Variants in EPHB2 observed in about 807,000 individuals in gnomAD.
The protein encoded by EPHB2 is EPH receptor B2.
Under a neutral mutation model 96.4 loss-of-function variants are expected in EPHB2, and 18 were observed. That is an observed-to-expected ratio of 0.19 (90% CI 0.13 to 0.28). EPHB2 has a LOEUF of 0.28. Among genes scored for constraint, EPHB2 ranks in the 10% least tolerant of loss-of-function variants. The pLI, the probability that EPHB2 is intolerant of heterozygous loss-of-function variation, is 1.00. For synonymous variants in EPHB2, 506 were observed against 534.1 expected (o/e 0.95, Z 0.72); for missense variants, 989 against 1,355.4 (o/e 0.73, Z 4.25).
intron 1 of EPHB2, among the ~76,000 whole-genome samples, chr1:22,769,107 G>C (rs535220379): frequency 5.9e-5 from 9 of 152,282 alleles, no homozygotes; most frequent in Non-Finnish European, 1.0e-4. Flanking sequence ...CCCTCTTTGG[G>C]GTGGGATGGG....
At chr1:22,826,883 G>A (rs768796992) in intron 3 of EPHB2, among the ~76,000 whole-genome samples, 3 of 152,216 alleles carry the variant, frequency 2.0e-5, no homozygotes, top group Non-Finnish European at 4.4e-5. Context: ...CTGTGTCCCC[G>A]TGGCCTGACA....
rs1640169662 is a variant in EPHB2 at position 22,913,313 on chromosome 1, G to C, written c.2853-149G>C. The C allele has an allele frequency of 1.0e-6, 1 of 997,194 alleles. No homozygotes were observed. The highest frequency in any genetic ancestry group is 1.6e-5 in the African/African-American group (1 of 62,576). The allele number at this position is 997,194 out of a possible 1,614,324, so 61.8% of individuals were successfully genotyped here. On this transcript the variant is annotated intron_variant, in intron 15 of 15. Coordinates refer to ENST00000374630, the MANE Select transcript of EPHB2 (RefSeq NM_017449.5). This position sits in a 1 kb window ranked among gnomAD's most constrained non-coding sequence, Gnocchi z 4.1. ...CCTCACACCATAGTCGCTCCCTCCA[G>C]CTGTGGCTGCCTGCCCACTCCCCAC...
At chr1:22,866,431 G>C (rs1276958829) in intron 5 of EPHB2, among the ~76,000 whole-genome samples, 1 of 152,064 alleles carries the variant, frequency 6.6e-6, no homozygotes, top group Non-Finnish European at 1.5e-5. Flanking sequence ...TGAAGGACCA[G>C]TCGAAATTTT....
chr1:22,741,679 C>CAAAAAAAAAAAAAAA lies in EPHB2; in HGVS notation c.61+30645_61+30646insAAAAAAAAAAAAAAA, dbSNP rs747438721. ...CTTGACAGCCTGGTTTTCTTCCCAGCAAAAAAAAACAAAAAAACAAAAAAC... is the reference window on the plus strand; with the variant it reads ...CTTGACAGCCTGGTTTTCTTCCCAGCAAAAAAAAAAAAAAAAAAAAAAAACAAAAAAACAAAAAAC... On this transcript the variant is annotated intron_variant, in intron 1 of 15. Coordinates refer to ENST00000374630, the MANE Select transcript of EPHB2 (RefSeq NM_017449.5). Among the ~76,000 whole-genome samples the CAAAAAAAAAAAAAAA allele has an allele frequency of 1.6e-3, 119 of 73,700 alleles. 7 individuals are homozygous for CAAAAAAAAAAAAAAA. The highest frequency in any genetic ancestry group is 2.3e-3 in the East Asian group (7 of 3,030). The allele number at this position is 73,700 out of a possible 152,430, so 48.4% of individuals were successfully genotyped here. A position where few individuals can be genotyped will look rare whatever the true frequency, so the allele number is the denominator to read the frequency against.
At chr1:22,800,692 G>T (rs1644829254) in intron 3 of EPHB2, among the ~76,000 whole-genome samples, 1 of 128,824 alleles carries the variant, frequency 7.8e-6, no homozygotes, top group Non-Finnish European at 1.8e-5. Flanking sequence ...AGCCCTATCT[G>T]TGTGAGTATA....
intron 3 of EPHB2, among the ~76,000 whole-genome samples, chr1:22,855,477 C>T (rs910494124): frequency 2.6e-5 from 4 of 152,196 alleles, no homozygotes; most frequent in Non-Finnish European, 5.9e-5. Flanking sequence ...TCTTATGTTC[C>T]AGGGCTGAGG....
intron 3 of EPHB2, among the ~76,000 whole-genome samples, chr1:22,828,120 T>TG (rs921897107): frequency 1.3e-5 from 2 of 152,202 alleles, no homozygotes; most frequent in Admixed American, 6.5e-5. Context: ...GGGCCACTGA[T>TG]GGGCTATAGC....
intron 6 of EPHB2, chr1:22,882,698 C>T (rs564693963): frequency 4.2e-5 from 24 of 575,934 alleles, no homozygotes; most frequent in Middle Eastern, 5.2e-4. Flanking sequence ...CTGGATCTCA[C>T]TTTTCTGGTC....
chr1:22,717,040 C>T (rs1298304376), intron 1 of EPHB2, among the ~76,000 whole-genome samples: 2 of 152,204 alleles, frequency 1.3e-5, no homozygotes. Context: ...AATTTGCCCC[C>T]CAGCGGCCTA....
intron 1 of EPHB2, among the ~76,000 whole-genome samples, chr1:22,772,045 C>G (rs1170269804): frequency 6.6e-6 from 1 of 152,120 alleles, no homozygotes; most frequent in Non-Finnish European, 1.5e-5. Flanking sequence ...CCAGCAAGCC[C>G]TGGTGTTCAT....
intron 1 of EPHB2, among the ~76,000 whole-genome samples, chr1:22,735,907 G>A (rs561803519): frequency 4.7e-4 from 71 of 152,298 alleles, no homozygotes; most frequent in African/African-American, 1.6e-3. Flanking sequence ...CCTCAGGACC[G>A]GAGCAGCCTA....
intron 3 of EPHB2, among the ~76,000 whole-genome samples, chr1:22,796,500 A>G (rs1031533227): frequency 2.0e-5 from 3 of 152,176 alleles, no homozygotes; most frequent in African/African-American, 7.2e-5. Context: ...GAGGGCTGTG[A>G]GTGCACGGCC....
rs1178508349 is a variant in EPHB2, at chr1:22,825,886, G to T, written c.812-37151G>T. On this transcript the variant is annotated intron_variant, in intron 3 of 15. Transcript: ENST00000374630. ...TAGACAAATGAGGATCGTCTGGGGG[G>T]ATGCTGGCTGGTGTCTGAGGTGGGG... Among the ~76,000 whole-genome samples the T allele has an allele frequency of 3.9e-5, 6 of 152,226 alleles. No individual in the cohort carries two copies. In the East Asian group the frequency reaches 1.2e-3, roughly 29 times the overall value.
chr1:22,770,546 T>A (rs1468319481), intron 1 of EPHB2, among the ~76,000 whole-genome samples: 1 of 152,154 alleles, frequency 6.6e-6, no homozygotes, highest in Admixed American at 6.5e-5. Flanking sequence ...TACACTCCAT[T>A]CACATGCAGA....
chr1:22,824,475 T>C (rs1645195483), intron 3 of EPHB2, among the ~76,000 whole-genome samples: 1 of 152,166 alleles, frequency 6.6e-6, no homozygotes, highest in Non-Finnish European at 1.5e-5. Flanking sequence ...TTCCTTTCCA[T>C]GGGTCCAGGG....
chr1:22,840,103 G>T (rs1225163208), intron 3 of EPHB2, among the ~76,000 whole-genome samples: 2 of 152,110 alleles, frequency 1.3e-5, no homozygotes, highest in Non-Finnish European at 2.9e-5. Flanking sequence ...ATGGATGGAT[G>T]GATGGACAGA....
chr1:22,920,987 A>G lies in EPHB2; in HGVS notation c.*7417A>G, dbSNP rs1440237402. Reference sequence around the variant, plus strand: ...CCAGTAAGTGGCCTCTGACCCCAGTACCCCCCACTTAATCACCATGCTATG... The same window carrying G: ...CCAGTAAGTGGCCTCTGACCCCAGTGCCCCCCACTTAATCACCATGCTATG... On this transcript the variant is annotated 3_prime_UTR_variant, in exon 16 of 16. Transcript: ENST00000374630. The G allele has an allele frequency of 1.3e-5, 2 of 151,874 alleles. No individual in the cohort carries two copies. The highest frequency in any genetic ancestry group is 2.9e-5 in the Non-Finnish European group (2 of 67,980). 9.4% of individuals were successfully genotyped at this position (151,874 alleles called of 1,614,324 possible).
intron 3 of EPHB2, among the ~76,000 whole-genome samples, chr1:22,850,832 T>A (rs1645615553): frequency 6.6e-6 from 1 of 152,128 alleles, no homozygotes. Context: ...AAACGGCGCA[T>A]GCACAGGCCC....
In EPHB2 at chr1:22,905,982, C is replaced by T. The variant is rs529304381; in HGVS notation, c.1766-5C>T. 5.0e-6 allele frequency: 8 copies of T among 1,614,068 alleles called. No individual in the cohort carries two copies. In the South Asian group the frequency reaches 6.6e-5, roughly 13 times the overall value. On this transcript the variant is annotated splice_region_variant and splice_polypyrimidine_tract_variant and intron_variant, in intron 9 of 15. Transcript: ENST00000374630. Reference sequence around the variant, plus strand: ...CATATGACAGAGCCTGGTCTTGTCCCCCAGTGACCCCAGGCATGAAGATCT... The same window carrying T: ...CATATGACAGAGCCTGGTCTTGTCCTCCAGTGACCCCAGGCATGAAGATCT...
Sources: gnomAD v4.1 joint callset for allele counts (sites outside exome capture counted in the v4.1 genomes callset) on GRCh38, gnomAD v4.1.1 for gene constraint, Gnocchi (gnomAD v3.1) non-coding constraint, MANE v1.5 for transcripts, NCBI Gene and HGNC (gene_info 2026-07-23, HGNC 2026-07-21) for gene names.